Variants in EEF2K observed in about 807,000 individuals in gnomAD.
EEF2K encodes the protein alternative protein EEF2K.
EEF2K carries 70 observed loss-of-function variants against 93.8 expected under a neutral mutation model. That is an observed-to-expected ratio of 0.75 (90% CI 0.62 to 0.91). EEF2K has a LOEUF of 0.91. Ranked by LOEUF, EEF2K falls within the 40% of genes least tolerant of loss-of-function variation. The pLI is 0.00. For missense variants in EEF2K, 935 were observed against 972.9 expected (o/e 0.96, Z 0.52); for synonymous variants, 376 against 380.8 (o/e 0.99, Z 0.15).
chr16:22,258,637 C>T lies in EEF2K; in HGVS notation c.1173C>T (p.Asp391=), dbSNP rs1488091767. 3 of 1,614,188 alleles carry T rather than the reference C, an allele frequency of 1.9e-6. No individual in the cohort carries two copies. The highest frequency in any genetic ancestry group is 1.7e-5 in the Admixed American group (1 of 60,004). Residue 391 remains aspartate (D), a synonymous_variant, in exon 10 of 18, where the codon GAC becomes GAT. Transcript: ENST00000263026. ...GDENMSDVTF[D]SLPSSPSSAT... is the part of the protein sequence containing the mutation. ...AGAACATGAGCGACGTGACCTTCGA[C>T]TCTCTCCCTTCTTCCCCATCTTCGG...
intron 2 of EEF2K, among the ~76,000 whole-genome samples, chr16:22,241,636 CAAAA>C (rs71151666): frequency 5.7e-4 from 28 of 49,184 alleles, no homozygotes; most frequent in East Asian, 5.5e-3. Context: ...GAGACTGTCT[CAAAA>C]AAAAAAAAAA....
chr16:22,211,474 C>T (rs967188616), intron 1 of EEF2K, among the ~76,000 whole-genome samples: 5 of 151,932 alleles, frequency 3.3e-5, no homozygotes, highest in South Asian at 2.1e-4. Flanking sequence ...GGTCTGGGGG[C>T]GGGGGGATAG....
intron 1 of EEF2K, among the ~76,000 whole-genome samples, chr16:22,212,098 A>G (rs1032432881): frequency 6.6e-6 from 1 of 152,182 alleles, no homozygotes; most frequent in Admixed American, 6.5e-5. Flanking sequence ...TCCCTTGTGC[A>G]TTTTGCTAAT....
intron 11 of EEF2K, among the ~76,000 whole-genome samples, chr16:22,261,734 G>A (rs1017136244): frequency 6.6e-6 from 1 of 151,782 alleles, no homozygotes; most frequent in Non-Finnish European, 1.5e-5. Flanking sequence ...GCGGGGTGTG[G>A]TGGCTCACAC....
intron 9 of EEF2K, 146 bp downstream of exon 9, chr16:22,257,916 C>A: frequency 1.6e-6 from 2 of 1,236,428 alleles, no homozygotes; most frequent in Non-Finnish European, 2.2e-6. Flanking sequence ...CCATCCATGC[C>A]CCAGCCCGTC....
In EEF2K at chr16:22,265,658, C is replaced by T. The variant is rs534015394; in HGVS notation, c.1441-732C>T. 3.3e-5 allele frequency among the ~76,000 whole-genome samples: 5 copies of T among 152,358 alleles called. No individual in the cohort carries two copies. The South Asian group carries it at 1.0e-3, about 32-fold the overall frequency. ...GCACTACTGGCATTCTGGGCTGAAT[C>T]GTTCCTTGTTGAGGGGGCTACCCTG... On this transcript the variant is annotated intron_variant, in intron 13 of 17. Coordinates refer to ENST00000263026, the MANE Select transcript of EEF2K (RefSeq NM_013302.5).
chr16:22,226,168 G>T (rs1289279501), intron 2 of EEF2K, among the ~76,000 whole-genome samples, 193 bp downstream of exon 2: 2 of 152,080 alleles, frequency 1.3e-5, no homozygotes, highest in Non-Finnish European at 2.9e-5. Context: ...CTTGGAACTG[G>T]GTGTTTTTCA....
At chr16:22,216,664 C>T (rs1000661617) in intron 1 of EEF2K, among the ~76,000 whole-genome samples, 2 of 151,960 alleles carry the variant, frequency 1.3e-5, no homozygotes, top group African/African-American at 2.4e-5. Flanking sequence ...GAGGTTGACG[C>T]GGGAGGATCA....
intron 4 of EEF2K, among the ~76,000 whole-genome samples, chr16:22,249,807 G>C (rs932491074): frequency 2.0e-5 from 3 of 151,234 alleles, no homozygotes; most frequent in Non-Finnish European, 4.4e-5. Context: ...TGGAGATAGA[G>C]TTTTGCTCTT....
At chr16:22,235,819 A>G (rs2047162317) in intron 2 of EEF2K, among the ~76,000 whole-genome samples, 1 of 141,650 alleles carries the variant, frequency 7.1e-6, no homozygotes, top group Middle Eastern at 5.5e-3. Context: ...TTTTTAAGAG[A>G]TAGGGTCTCA....
intron 15 of EEF2K, among the ~76,000 whole-genome samples, chr16:22,269,497 G>C (rs2047556106): frequency 6.6e-6 from 1 of 151,720 alleles, no homozygotes; most frequent in Admixed American, 6.6e-5. Flanking sequence ...CACCTCCCAG[G>C]TTCAAGCAAT....
In EEF2K at chr16:22,260,457, C is replaced by A; in HGVS notation, c.1232-5C>A. On this transcript the variant is annotated splice_polypyrimidine_tract_variant and splice_region_variant and intron_variant, in intron 10 of 17. Coordinates refer to ENST00000263026, the MANE Select transcript of EEF2K (RefSeq NM_013302.5). ...AGGACATGATGTCTGTTTCTCCCTG[C>A]CCAGATTGGCCAGTGTTCAGTGACC... 1 of 1,614,098 alleles carries A rather than the reference C, an allele frequency of 6.2e-7. No homozygotes were observed. Among genetic ancestry groups the A allele is most frequent in the Non-Finnish European group, 8.5e-7 (1 of 1,180,010 alleles).
At chr16:22,278,042 A>T (rs886367632) in intron 16 of EEF2K, among the ~76,000 whole-genome samples, 4 of 151,872 alleles carry the variant, frequency 2.6e-5, no homozygotes, top group African/African-American at 9.7e-5. Flanking sequence ...GTGTCTCTAT[A>T]AAAAAATTTT....
chr16:22,221,656 C>CA (rs1209489048), intron 1 of EEF2K, among the ~76,000 whole-genome samples: 3 of 152,042 alleles, frequency 2.0e-5, no homozygotes, highest in South Asian at 2.1e-4. Context: ...ACAGCACTGT[C>CA]AAAAAAATTG....
chr16:22,215,971 G>A (rs899221170), intron 1 of EEF2K, among the ~76,000 whole-genome samples: 1 of 152,128 alleles, frequency 6.6e-6, no homozygotes, highest in Non-Finnish European at 1.5e-5. Context: ...TTCATGTTGA[G>A]CACCTGTGCA....
intron 1 of EEF2K, among the ~76,000 whole-genome samples, chr16:22,223,638 G>A (rs1199886821): frequency 6.6e-6 from 1 of 152,134 alleles, no homozygotes; most frequent in Non-Finnish European, 1.5e-5. Context: ...ATCTTGGCTT[G>A]TTGAAAATCA....
At chr16:22,212,624 C>G (rs2046926008) in intron 1 of EEF2K, among the ~76,000 whole-genome samples, 2 of 152,002 alleles carry the variant, frequency 1.3e-5, no homozygotes, top group Non-Finnish European at 2.9e-5. Flanking sequence ...CTGGCCTTCT[C>G]TGTCTCTTTA....
chr16:22,281,415 A>T (rs2047692072), intron 17 of EEF2K, among the ~76,000 whole-genome samples: 1 of 151,784 alleles, frequency 6.6e-6, no homozygotes, highest in Non-Finnish European at 1.5e-5. Context: ...AATTTTTAAA[A>T]GTTCTTTGTA....
In EEF2K at chr16:22,242,476, C is replaced by G. The variant is rs372768648; in HGVS notation, c.247-2154C>G. On this transcript the variant is annotated intron_variant, in intron 2 of 17. Coordinates refer to ENST00000263026, the MANE Select transcript of EEF2K (RefSeq NM_013302.5). Reference sequence around the variant, plus strand: ...TCTGGGATTACACGTATGCACCCAGCTTTTTTTTTTTTTAAAGTAGAGACG... The same window carrying G: ...TCTGGGATTACACGTATGCACCCAGGTTTTTTTTTTTTTAAAGTAGAGACG... Among the ~76,000 whole-genome samples the G allele has an allele frequency of 2.1e-5, 3 of 144,600 alleles. No homozygotes were observed. In the East Asian group the frequency reaches 6.0e-4, roughly 29 times the overall value. 94.9% of individuals were successfully genotyped at this position (144,600 alleles called of 152,430 possible).
Sources: gnomAD v4.1 joint callset for allele counts (sites outside exome capture counted in the v4.1 genomes callset) on GRCh38, gnomAD v4.1.1 for gene constraint, MANE v1.5 for transcripts, NCBI Gene and HGNC (gene_info 2026-07-23, HGNC 2026-07-21) for gene names.